The following NUP210L variants were observed in gnomAD, a reference collection of about 807,000 sequenced individuals.
NUP210L encodes the protein nucleoporin 210 like, also known as nuclear pore membrane glycoprotein 210-like.
Under a neutral mutation model 208.5 loss-of-function variants are expected in NUP210L, and 74 were observed. The ratio of observed to expected loss-of-function variants is 0.35; its 90% CI spans 0.29 to 0.43. NUP210L has a LOEUF of 0.43. Ranked by LOEUF, NUP210L falls within the 20% of genes least tolerant of loss-of-function variation. The probability of loss-of-function intolerance (pLI) is 1.00; values close to 1 mark genes in which losing one functional copy is unlikely to be tolerated. For synonymous variants in NUP210L, 780 were observed against 816.9 expected, an observed-to-expected ratio of 0.95 and a Z score of 0.77; for missense variants, 1,843 against 2,289.4, an observed-to-expected ratio of 0.81 and a Z score of 3.98.
intron 22 of NUP210L, 104 bp downstream of exon 22, chr1:154,057,985 A>G: frequency 8.2e-7 from 1 of 1,225,534 alleles, no homozygotes; most frequent in East Asian, 2.3e-5. Flanking sequence ...AAAGGAATGG[A>G]GAAAATCTGA....
At chr1:154,136,041 A>G in intron 6 of NUP210L, 69 bp from the exon 7 acceptor site, 1 of 1,053,148 alleles carries the variant, frequency 9.5e-7, no homozygotes, top group Non-Finnish European at 1.5e-6. Context: ...TGTATTCTTG[A>G]TCATAAAGGA....
chr1:154,118,131 G>T (rs1657426262), intron 11 of NUP210L, among the ~76,000 whole-genome samples: 1 of 152,100 alleles, frequency 6.6e-6, no homozygotes, highest in East Asian at 1.9e-4. Flanking sequence ...CCAACATGGT[G>T]AAACCCTGTC....
intron 28 of NUP210L, among the ~76,000 whole-genome samples, chr1:154,028,201 T>TAA (rs1652008008): frequency 6.6e-6 from 1 of 152,226 alleles, no homozygotes; most frequent in African/African-American, 2.4e-5. Context: ...CATTTAGCTT[T>TAA]TAGCCCAAGA....
chr1:154,111,003 G>A (rs1657013502), intron 12 of NUP210L, among the ~76,000 whole-genome samples: 1 of 150,668 alleles, frequency 6.6e-6, no homozygotes, highest in Non-Finnish European at 1.5e-5. Context: ...AAAATGAAGA[G>A]TTGGTTTTTT....
intron 16 of NUP210L, among the ~76,000 whole-genome samples, chr1:154,078,169 T>C (rs1329145752): frequency 6.7e-6 from 1 of 149,974 alleles, no homozygotes; most frequent in Non-Finnish European, 1.5e-5. Context: ...AAAAATTAGC[T>C]AGGCACAGTG....
chr1:154,041,200 A>G (rs1459199294), intron 27 of NUP210L, among the ~76,000 whole-genome samples: 1 of 150,060 alleles, frequency 6.7e-6, no homozygotes, highest in Non-Finnish European at 1.5e-5. Flanking sequence ...CGTGGGCTCA[A>G]GTGATCCTCT....
At chr1:154,074,678 G>C (rs1005675991) in intron 16 of NUP210L, among the ~76,000 whole-genome samples, 9 of 152,048 alleles carry the variant, frequency 5.9e-5, no homozygotes, top group African/African-American at 2.2e-4. Flanking sequence ...TTTTAGTAGA[G>C]ACGGGGTTTC....
At chr1:154,143,380 G>A in intron 3 of NUP210L, 66 bp downstream of exon 3, 1 of 1,468,428 alleles carries the variant, frequency 6.8e-7, no homozygotes, top group Non-Finnish European at 9.3e-7. Context: ...TTGTTTCCAA[G>A]TGCTAAACAT....
At chr1:154,136,901 C>T (rs1316488384) in intron 6 of NUP210L, among the ~76,000 whole-genome samples, 1 of 103,690 alleles carries the variant, frequency 9.6e-6, no homozygotes, top group Admixed American at 1.6e-4. Flanking sequence ...GCCTGGGCGA[C>T]AGAGTGAGAA....
intron 16 of NUP210L, among the ~76,000 whole-genome samples, chr1:154,089,202 G>A (rs1488763873): frequency 6.6e-6 from 1 of 152,166 alleles, no homozygotes. Context: ...ATGTTGATAA[G>A]TGGAGAAATG....
chr1:154,012,048 C>T (rs1650958337), intron 34 of NUP210L, among the ~76,000 whole-genome samples, 196 bp downstream of exon 34: 1 of 152,052 alleles, frequency 6.6e-6, no homozygotes, highest in Non-Finnish European at 1.5e-5. Flanking sequence ...ACAATAGTGA[C>T]TAGGATGAGC....
At chr1:154,042,255 A>C (rs1047213078) in intron 27 of NUP210L, among the ~76,000 whole-genome samples, 9 of 151,958 alleles carry the variant, frequency 5.9e-5, no homozygotes, top group African/African-American at 2.2e-4. Context: ...GCATGCCACT[A>C]TGCCTGGCTA....
intron 25 of NUP210L, among the ~76,000 whole-genome samples, chr1:154,047,857 G>T (rs1239647822): frequency 1.3e-5 from 2 of 152,104 alleles, no homozygotes; most frequent in African/African-American, 4.8e-5. Flanking sequence ...TCGGTAAGTG[G>T]TGCCCATACG....
At chr1:154,022,843 A>C (rs973642122) in intron 31 of NUP210L, among the ~76,000 whole-genome samples, 1 of 151,198 alleles carries the variant, frequency 6.6e-6, no homozygotes, top group Non-Finnish European at 1.5e-5. Flanking sequence ...ACACCCAGCT[A>C]ATTTTTGTAT....
intron 7 of NUP210L, among the ~76,000 whole-genome samples, chr1:154,129,634 C>A (rs1408605333): frequency 2.6e-5 from 4 of 152,284 alleles, no homozygotes; most frequent in African/African-American, 9.6e-5. Context: ...GCTGCAGACC[C>A]CTTTCTCCAA....
In NUP210L at chr1:154,143,442, T is replaced by C; in HGVS notation, c.472+4A>G. 2 of 1,611,672 alleles carry C rather than the reference T, an allele frequency of 1.2e-6. No homozygotes were observed. The highest frequency in any genetic ancestry group is 1.7e-6 in the Non-Finnish European group (2 of 1,179,186). On this transcript the variant is annotated splice_donor_region_variant and intron_variant, in intron 3 of 39. Coordinates refer to ENST00000368559, the Ensembl canonical transcript of NUP210L. ...ATTTTGTTGAATCCTCTGAAGTTCT[T>C]TACCTTCAGCATCCAATGCCCTCAC...
At position 154,075,889 on chromosome 1, in the gene NUP210L, A is replaced by C. The variant is rs534627017; in HGVS notation, c.2362-5424T>G. ...ACTGCATCCTCTGCCTCCTGGACTC[A>C]AGCAATCCTCCCACCTCAGCCTCCC... On this transcript the variant is annotated intron_variant, in intron 16 of 39. Coordinates refer to ENST00000368559, the Ensembl canonical transcript of NUP210L. Among the ~76,000 whole-genome samples, 3 of 151,788 alleles carry C rather than the reference A, an allele frequency of 2.0e-5. No homozygotes were observed. The South Asian group carries it at 6.2e-4, about 32-fold the overall frequency.
chr1:154,005,107 T>A (rs2147894759), intron 35 of NUP210L, among the ~76,000 whole-genome samples: 1 of 152,104 alleles, frequency 6.6e-6, no homozygotes, highest in South Asian at 2.1e-4. Context: ...CTCCTCGGCC[T>A]CCCAAAGTGC....
At chr1:154,002,702 C>T (rs916971483) in intron 35 of NUP210L, among the ~76,000 whole-genome samples, 10 of 150,544 alleles carry the variant, frequency 6.6e-5, no homozygotes, top group African/African-American at 1.2e-4. Flanking sequence ...TGGGCTCAAG[C>T]GATCCTCCTG....
Sources: gnomAD v4.1 joint callset for allele counts (sites outside exome capture counted in the v4.1 genomes callset) on GRCh38, gnomAD v4.1.1 for gene constraint, MANE v1.5 for transcripts, NCBI Gene and HGNC (gene_info 2026-07-23, HGNC 2026-07-21) for gene names.